The following KCNT2 variants were observed in gnomAD, a reference collection of about 807,000 sequenced individuals.
KCNT2 encodes potassium sodium-activated channel subfamily T member 2, also known as potassium channel subfamily T member 2.
A neutral mutation model predicts 153.8 loss-of-function variants in KCNT2; 67 were observed. The ratio of observed to expected loss-of-function variants is 0.44; its 90% CI spans 0.36 to 0.53. The LOEUF is 0.53. Ranked by LOEUF, KCNT2 falls within the 20% of genes least tolerant of loss-of-function variation. The pLI, the probability that KCNT2 is intolerant of heterozygous loss-of-function variation, is 0.00. For missense variants in KCNT2, 975 were observed against 1,354.8 expected, an observed-to-expected ratio of 0.72 and a Z score of 4.40; for synonymous variants, 500 against 458.8, an observed-to-expected ratio of 1.09 and a Z score of -1.15.
At chr1:196,395,131 C>A (rs1279034590) in intron 13 of KCNT2, among the ~76,000 whole-genome samples, 2 of 150,928 alleles carry the variant, frequency 1.3e-5, no homozygotes, top group Non-Finnish European at 3.0e-5. Flanking sequence ...ATTATATATT[C>A]TTTTATAAAT....
intron 13 of KCNT2, among the ~76,000 whole-genome samples, chr1:196,386,562 C>T (rs945513486): frequency 1.3e-5 from 2 of 151,960 alleles, no homozygotes; most frequent in Admixed American, 1.3e-4. Flanking sequence ...TTGCCCATTT[C>T]TTCAAAGGTA....
In KCNT2 at chr1:196,282,365, T is replaced by TAAAC; in HGVS notation, c.2698-13_2698-10dup. ...TAATCCTTCACAAATGACTGCAATA[T>TAAAC]AAACAAACAAACAATATATAAATGT... On this transcript the variant is annotated splice_polypyrimidine_tract_variant and intron_variant, in intron 23 of 27. Coordinates refer to ENST00000294725, the MANE Select transcript of KCNT2 (RefSeq NM_198503.5). 1 of 1,414,660 alleles carries TAAAC rather than the reference T, an allele frequency of 7.1e-7. No individual in the cohort carries two copies. Among genetic ancestry groups the TAAAC allele is most frequent in the Non-Finnish European group, 1.0e-6 (1 of 1,001,260 alleles). 87.6% of individuals were successfully genotyped at this position (1,414,660 alleles called of 1,614,324 possible). A position where few individuals can be genotyped will look rare whatever the true frequency, so the allele number is the denominator to read the frequency against.
At chr1:196,264,756 C>G (rs576544287) in intron 25 of KCNT2, among the ~76,000 whole-genome samples, 1 of 152,246 alleles carries the variant, frequency 6.6e-6, no homozygotes, top group African/African-American at 2.4e-5. Flanking sequence ...CTCAGACTCC[C>G]GAGCAGCTAA....
intron 8 of KCNT2, among the ~76,000 whole-genome samples, chr1:196,436,790 A>T (rs990365090): frequency 2.7e-5 from 4 of 150,564 alleles, no homozygotes; most frequent in Non-Finnish European, 4.5e-5. Context: ...TCATAAGCAT[A>T]ATATTCTATT....
intron 8 of KCNT2, among the ~76,000 whole-genome samples, chr1:196,463,607 C>A (rs1365470421): frequency 1.3e-5 from 2 of 151,590 alleles, no homozygotes; most frequent in East Asian, 3.9e-4. Flanking sequence ...AACACACACA[C>A]AAGACACACA....
chr1:196,388,196 T>G (rs1170528819), intron 13 of KCNT2, among the ~76,000 whole-genome samples: 1 of 151,804 alleles, frequency 6.6e-6, no homozygotes, highest in Non-Finnish European at 1.5e-5. Flanking sequence ...GGTAATTAAC[T>G]TGGCATCGTT....
At chr1:196,328,635 A>G (rs1664123827) in intron 18 of KCNT2, among the ~76,000 whole-genome samples, 3 of 142,174 alleles carry the variant, frequency 2.1e-5, no homozygotes, top group Admixed American at 6.9e-5. Flanking sequence ...TGCTAAAAGA[A>G]AAAAAAAAAA....
At chr1:196,291,350 A>G (rs1277027399) in intron 22 of KCNT2, among the ~76,000 whole-genome samples, 3 of 151,828 alleles carry the variant, frequency 2.0e-5, no homozygotes, top group African/African-American at 7.3e-5. Context: ...GAGAGGAAAA[A>G]AAGATTTTTA....
intron 1 of KCNT2, among the ~76,000 whole-genome samples, chr1:196,599,292 T>A (rs1664442887): frequency 6.6e-6 from 1 of 152,228 alleles, no homozygotes; most frequent in South Asian, 2.1e-4. Flanking sequence ...GAGGTTGAAA[T>A]GTGTTAATCC....
At chr1:196,331,388 A>G in intron 17 of KCNT2, 127 bp from the exon 18 acceptor site, 1 of 651,534 alleles carries the variant, frequency 1.5e-6, no homozygotes, top group South Asian at 1.8e-5. Flanking sequence ...ATATTTTGAT[A>G]AAGAGGTAGT....
chr1:196,428,127 A>T lies in KCNT2; in HGVS notation c.962T>A (p.Phe321Tyr), dbSNP rs1424657518. The T allele has an allele frequency of 6.2e-7, 1 of 1,612,426 alleles. No individual in the cohort carries two copies. The highest frequency in any genetic ancestry group is 1.7e-5 in the Admixed American group (1 of 59,942). Residue 321 changes from phenylalanine to tyrosine, a missense_variant, in exon 10 of 28, where the codon TTC becomes TAC. This residue lies in a region of KCNT2 where 202 missense variants were observed against 314.9 expected (regional missense o/e 0.64). Transcript: ENST00000294725. ...TACCTGGAGCCTAGGATGAGCATAGAATTCATTTAAAAAATCCATAAGTAA... is the reference window on the plus strand; with the variant it reads ...TACCTGGAGCCTAGGATGAGCATAGTATTCATTTAAAAAATCCATAAGTAA... ...IDLLMDFLNE[F>Y]YAHPRLQDYY... is the part of the protein sequence containing the mutation.
chr1:196,365,286 A>G (rs1468746568), intron 14 of KCNT2, among the ~76,000 whole-genome samples: 1 of 151,816 alleles, frequency 6.6e-6, no homozygotes, highest in African/African-American at 2.4e-5. Flanking sequence ...GGCCTCTTCA[A>G]TAATTCTTTC....
chr1:196,403,971 C>T (rs548906611), intron 12 of KCNT2, among the ~76,000 whole-genome samples: 3 of 151,660 alleles, frequency 2.0e-5, no homozygotes, highest in Non-Finnish European at 4.4e-5. Context: ...AGACCACTGG[C>T]TCCCTAAAAC....
intron 12 of KCNT2, among the ~76,000 whole-genome samples, chr1:196,402,576 A>G (rs1345755588): frequency 1.3e-5 from 2 of 151,624 alleles, no homozygotes; most frequent in African/African-American, 2.4e-5. Flanking sequence ...GCTTTACAAA[A>G]TCAAATAATA....
intron 1 of KCNT2, among the ~76,000 whole-genome samples, chr1:196,504,785 T>C (rs1381142042): frequency 6.6e-6 from 1 of 152,210 alleles, no homozygotes; most frequent in Non-Finnish European, 1.5e-5. Flanking sequence ...TTCTAACTGG[T>C]GTGAGATGGT....
intron 16 of KCNT2, among the ~76,000 whole-genome samples, chr1:196,339,364 C>A (rs1665365990): frequency 6.6e-6 from 1 of 152,008 alleles, no homozygotes; most frequent in Non-Finnish European, 1.5e-5. Flanking sequence ...TCAGATTGAA[C>A]TGGGTAGAAT....
intron 27 of KCNT2, among the ~76,000 whole-genome samples, chr1:196,230,636 T>G (rs1306081463): frequency 1.3e-5 from 2 of 151,958 alleles, no homozygotes; most frequent in African/African-American, 4.8e-5. Context: ...GATCAAGACT[T>G]CAATGGAGGA....
intron 1 of KCNT2, among the ~76,000 whole-genome samples, chr1:196,516,269 C>T (rs970650223): frequency 9.2e-5 from 14 of 152,056 alleles, no homozygotes; most frequent in African/African-American, 3.4e-4. Context: ...TGTTTTATAA[C>T]CTTAATCATT....
At chr1:196,525,863 T>A (rs1654115693) in intron 1 of KCNT2, among the ~76,000 whole-genome samples, 1 of 151,970 alleles carries the variant, frequency 6.6e-6, no homozygotes, top group Middle Eastern at 3.2e-3. Flanking sequence ...AAAAGGTGTC[T>A]TTAAACAGAC....
Sources: gnomAD v4.1 joint callset for allele counts (sites outside exome capture counted in the v4.1 genomes callset) on GRCh38, gnomAD v4.1.1 for gene constraint, gnomAD v4.1.1 regional missense constraint, MANE v1.5 for transcripts, NCBI Gene and HGNC (gene_info 2026-07-23, HGNC 2026-07-21) for gene names.